SOS2: variants seen among roughly 807,000 people sequenced by gnomAD.
SOS2 encodes the protein SOS Ras/Rho guanine nucleotide exchange factor 2.
A neutral mutation model predicts 148.2 loss-of-function variants in SOS2; 65 were observed. The ratio of observed to expected loss-of-function variants is 0.44; its 90% confidence interval spans 0.36 to 0.54. The LOEUF is 0.54. Ranked by LOEUF, SOS2 falls within the 20% of genes least tolerant of loss-of-function variation. The pLI, the probability that SOS2 is intolerant of heterozygous loss-of-function variation, is 0.00. For synonymous variants in SOS2, 539 were observed against 537.1 expected (o/e 1.00, Z -0.05); for missense variants, 1,341 against 1,590.2 (o/e 0.84, Z 2.67).
At chr14:50,154,459 C>T (rs1457429192) in intron 12 of SOS2, among the ~76,000 whole-genome samples, 1 of 152,116 alleles carries the variant, frequency 6.6e-6, no homozygotes, top group Non-Finnish European at 1.5e-5. Flanking sequence ...TACCTTCTGA[C>T]CCAGCCACTC....
intron 4 of SOS2, among the ~76,000 whole-genome samples, chr14:50,198,195 T>C (rs1886373635): frequency 6.6e-6 from 1 of 152,188 alleles, no homozygotes; most frequent in Non-Finnish European, 1.5e-5. Flanking sequence ...ATTCATTTCC[T>C]GGATTTTGAC....
rs922674582 is a variant in SOS2, at chr14:50,149,881, T to G, written c.2384+127A>C. 7.2e-6 allele frequency: 5 copies of G among 689,778 alleles called. No individual in the cohort carries two copies. In the African/African-American group the frequency reaches 9.0e-5, roughly 12 times the overall value. 42.7% of individuals were successfully genotyped at this position (689,778 alleles called of 1,614,324 possible). A position where few individuals can be genotyped will look rare whatever the true frequency, so the allele number is the denominator to read the frequency against. ...TAGTTAAAAACTGTGCTATGACCTT[T>G]CCTCTAAGCCCATGAGAGTAGATGA... On this transcript the variant is annotated intron_variant, in intron 14 of 22. Transcript: ENST00000216373.
intron 4 of SOS2, among the ~76,000 whole-genome samples, chr14:50,190,286 C>T (rs1886085844): frequency 1.3e-5 from 2 of 152,052 alleles, no homozygotes; most frequent in African/African-American, 2.4e-5. Context: ...AAGGAAACTA[C>T]AAAAAGTAAA....
chr14:50,135,564 T>C (rs1356686218), intron 18 of SOS2, among the ~76,000 whole-genome samples: 2 of 148,090 alleles, frequency 1.4e-5, no homozygotes, highest in African/African-American at 4.9e-5. Context: ...TTTATATATA[T>C]ATTTTCCTGA....
chr14:50,139,694 T>C lies in SOS2; in HGVS notation c.2785+248A>G, dbSNP rs147366721. Among the ~76,000 whole-genome samples the C allele has an allele frequency of 0.011, 1,659 of 152,288 alleles. 36 individuals carry two copies. Among genetic ancestry groups the C allele is most frequent in the African/African-American group, 0.037 (1,555 of 41,554 alleles). Reference sequence around the variant, plus strand: ...AAAATAACAGTTACCATTTCATGAGTGCGTCCTATGTGCTAGACTTATTAG... The same window carrying C: ...AAAATAACAGTTACCATTTCATGAGCGCGTCCTATGTGCTAGACTTATTAG... On this transcript the variant is annotated intron_variant, in intron 17 of 22. Coordinates refer to ENST00000216373, the MANE Select transcript of SOS2 (RefSeq NM_006939.4).
intron 5 of SOS2, among the ~76,000 whole-genome samples, chr14:50,182,908 T>C (rs1384382828): frequency 6.6e-6 from 1 of 152,252 alleles, no homozygotes. Context: ...ACTCGTTTTC[T>C]ACATGTTTTT....
chr14:50,207,127 G>A lies in SOS2; in HGVS notation c.88-2718C>T, dbSNP rs143643886. 1.4e-4 allele frequency among the ~76,000 whole-genome samples: 22 copies of A among 152,216 alleles called. No homozygotes were observed. The East Asian group carries it at 2.9e-3, about 20-fold the overall frequency. The stretch of plus-strand genomic sequence containing the variant: ...AGGAAGCAATACAACAATCTTAAGC[G>A]AACATTTAGAAAATTTTTTTTAAAA... On this transcript the variant is annotated intron_variant, in intron 1 of 22. Transcript: ENST00000216373.
intron 1 of SOS2, among the ~76,000 whole-genome samples, chr14:50,226,845 T>C (rs1034044385): frequency 2.0e-5 from 3 of 152,204 alleles, no homozygotes; most frequent in African/African-American, 7.2e-5. Context: ...AGAATGCTGA[T>C]TTATCTCAAC....
intron 6 of SOS2, among the ~76,000 whole-genome samples, 196 bp from the exon 7 acceptor site, chr14:50,180,878 GAGA>G (rs922603472): frequency 6.6e-6 from 1 of 151,866 alleles, no homozygotes. Context: ...AAAAAGAGAA[GAGA>G]AGAAGAAAGA....
At chr14:50,202,554 G>A (rs1013228516) in intron 2 of SOS2, among the ~76,000 whole-genome samples, 1 of 151,812 alleles carries the variant, frequency 6.6e-6, no homozygotes, top group Non-Finnish European at 1.5e-5. Context: ...CGCAATGTAG[G>A]GAGACCCTGT....
At chr14:50,146,886 A>G (rs936954597) in intron 14 of SOS2, among the ~76,000 whole-genome samples, 1 of 152,054 alleles carries the variant, frequency 6.6e-6, no homozygotes, top group African/African-American at 2.4e-5. Context: ...ACATAAGTAT[A>G]TGCAGTTTAA....
At position 50,118,506 on chromosome 14, in the gene SOS2, A is replaced by G. The variant is rs1165501637; in HGVS notation, c.3837T>C (p.Ser1279=). The G allele has an allele frequency of 1.9e-6, 3 of 1,614,064 alleles. No individual in the cohort carries two copies. The highest frequency in any genetic ancestry group is 2.5e-6 in the Non-Finnish European group (3 of 1,180,030). Residue 1279 remains serine, a synonymous_variant, in exon 23 of 23, where the codon TCT becomes TCC. Coordinates refer to ENST00000216373, the MANE Select transcript of SOS2 (RefSeq NM_006939.4). ...RVPRRCYVLS[S]SQNNLAHPPA... ...GAGGATGAGCAAGATTATTCTGACT[A>G]GAACTGAGCACATAGCATCGACGCG...
At chr14:50,126,518 T>C (rs1308991877) in intron 21 of SOS2, among the ~76,000 whole-genome samples, 1 of 151,942 alleles carries the variant, frequency 6.6e-6, no homozygotes, top group Non-Finnish European at 1.5e-5. Context: ...AAAAATACTA[T>C]AATTATTATC....
chr14:50,215,683 A>G (rs1239820059), intron 1 of SOS2, among the ~76,000 whole-genome samples: 1 of 152,228 alleles, frequency 6.6e-6, no homozygotes, highest in African/African-American at 2.4e-5. Context: ...TATGTAACTA[A>G]CCTGCACAAT....
intron 1 of SOS2, among the ~76,000 whole-genome samples, chr14:50,205,734 C>T (rs1444068222): frequency 6.6e-6 from 1 of 152,012 alleles, no homozygotes; most frequent in Non-Finnish European, 1.5e-5. Flanking sequence ...AAGTTTGAGA[C>T]CAGCCTGGCC....
Position 50,118,117 on chromosome 14 carries a change from C to T in SOS2, c.*227G>A. On this transcript the variant is annotated 3_prime_UTR_variant, in exon 23 of 23. Transcript: ENST00000216373. ...TAAATTCTTTATACTGGCCTTTTGGCAGCACTGAGGATCCAAGACAAGGCA... is the reference window on the plus strand; with the variant it reads ...TAAATTCTTTATACTGGCCTTTTGGTAGCACTGAGGATCCAAGACAAGGCA... 2.1e-6 allele frequency: 1 copy of T among 485,990 alleles called. No individual in the cohort carries two copies. Among genetic ancestry groups the T allele is most frequent in the Non-Finnish European group, 3.6e-6 (1 of 276,204 alleles). The allele number at this position is 485,990 out of a possible 1,614,324, so 30.1% of individuals were successfully genotyped here.
At chr14:50,195,587 C>T (rs902343125) in intron 4 of SOS2, among the ~76,000 whole-genome samples, 12 of 152,136 alleles carry the variant, frequency 7.9e-5, no homozygotes, top group African/African-American at 2.9e-4. Context: ...CATAGCAAGA[C>T]CCCATTCCTA....
chr14:50,204,244 G>A, intron 2 of SOS2, 40 bp downstream of exon 2: 5 of 1,365,044 alleles, frequency 3.7e-6, no homozygotes, highest in Non-Finnish European at 5.1e-6. Flanking sequence ...AATTCATACA[G>A]TGGTTGAGTG....
chr14:50,160,104 T>A lies in SOS2; in HGVS notation c.1197-18A>T. 1.3e-6 allele frequency: 2 copies of A among 1,590,730 alleles called. No individual in the cohort carries two copies. The highest frequency in any genetic ancestry group is 1.1e-5 in the South Asian group (1 of 88,592). Reference sequence around the variant, plus strand: ...CAGGATCTCTAGAAAAAACAAACAATATAGCTTATTCAACAGCTAGCAACC... The same window carrying A: ...CAGGATCTCTAGAAAAAACAAACAAAATAGCTTATTCAACAGCTAGCAACC... On this transcript the variant is annotated intron_variant, in intron 9 of 22. Transcript: ENST00000216373.
Sources: allele counts gnomAD v4.1 joint callset (sites outside exome capture counted in the v4.1 genomes callset), GRCh38; gene constraint gnomAD v4.1.1; transcripts MANE v1.5; gene names NCBI Gene and HGNC (gene_info 2026-07-23, HGNC 2026-07-21).